FAM107B: variants seen among roughly 807,000 people sequenced by gnomAD.
FAM107B encodes the protein protein FAM107B.
In FAM107B, 21 loss-of-function variants were observed where a neutral mutation model predicts 31.5. The ratio of observed to expected loss-of-function variants is 0.67; its 90% CI spans 0.47 to 0.96. The LOEUF (loss-of-function observed/expected upper bound fraction) is 0.96, where lower values mean the gene tolerates loss of function less well. FAM107B is among the 40% of genes least tolerant of loss of function. The pLI, the probability that FAM107B is intolerant of heterozygous loss-of-function variation, is 0.00. For synonymous variants in FAM107B, 157 were observed against 141.5 expected, an observed-to-expected ratio of 1.11 and a Z score of -0.78; for missense variants, 452 against 377.1, an observed-to-expected ratio of 1.20 and a Z score of -1.64.
intron 1 of FAM107B, among the ~76,000 whole-genome samples, chr10:14,685,946 G>A (rs1221673129): frequency 1.3e-5 from 2 of 152,176 alleles, no homozygotes; most frequent in Admixed American, 1.3e-4. Flanking sequence ...GCAAGAGGGA[G>A]CTTGTACAGG....
At chr10:14,654,024 A>G (rs889230794) in intron 2 of FAM107B, 1 of 151,914 alleles carries the variant, frequency 6.6e-6, no homozygotes, top group African/African-American at 2.4e-5. Flanking sequence ...TTCTAACGTC[A>G]TAAGCCTGGC....
intron 2 of FAM107B, among the ~76,000 whole-genome samples, chr10:14,550,008 T>G (rs543167442): frequency 6.6e-6 from 1 of 152,312 alleles, no homozygotes; most frequent in African/African-American, 2.4e-5. Context: ...CTTACGGGAA[T>G]GGAAAGGAGG....
intron 1 of FAM107B, among the ~76,000 whole-genome samples, chr10:14,729,854 A>T (rs574151290): frequency 1.5e-4 from 23 of 152,234 alleles, no homozygotes; most frequent in Non-Finnish European, 2.9e-4. Flanking sequence ...AATACTACGC[A>T]GCCATAAAAA....
chr10:14,553,512 G>GTTCT, intron 2 of FAM107B: 1 of 435,040 alleles, frequency 2.3e-6, no homozygotes, highest in Admixed American at 3.7e-5. Context: ...ATTAACAATG[G>GTTCT]GTAAGAAGGA....
intron 2 of FAM107B, among the ~76,000 whole-genome samples, chr10:14,636,173 CT>C (rs1183235481): frequency 6.6e-6 from 1 of 151,848 alleles, no homozygotes; most frequent in Admixed American, 6.6e-5. Flanking sequence ...CTGAGCACCC[CT>C]CATCCCCATA....
intron 1 of FAM107B, among the ~76,000 whole-genome samples, chr10:14,734,553 A>G (rs931919766): frequency 6.8e-6 from 1 of 148,034 alleles, no homozygotes; most frequent in African/African-American, 2.6e-5. Flanking sequence ...GTGGCCCAAG[A>G]TAATTCCTTT....
chr10:14,739,575 G>A (rs759595156), intron 1 of FAM107B, among the ~76,000 whole-genome samples: 2 of 151,406 alleles, frequency 1.3e-5, no homozygotes, highest in African/African-American at 2.5e-5. Flanking sequence ...ACTTGGGCCT[G>A]ACCAATTATC....
intron 2 of FAM107B, among the ~76,000 whole-genome samples, chr10:14,563,145 G>A (rs1260347945): frequency 3.3e-5 from 5 of 152,164 alleles, no homozygotes; most frequent in Non-Finnish European, 5.9e-5. Flanking sequence ...ACAGATCTTT[G>A]TTACCACTCA....
At chr10:14,525,884 A>AC (rs954042891) in intron 3 of FAM107B, among the ~76,000 whole-genome samples, 19 of 152,098 alleles carry the variant, frequency 1.2e-4, no homozygotes, top group African/African-American at 4.3e-4. Context: ...TTATATTCCC[A>AC]CCCCCAGAGT....
chr10:14,548,008 C>T (rs562026888), intron 2 of FAM107B, among the ~76,000 whole-genome samples: 1 of 152,334 alleles, frequency 6.6e-6, no homozygotes, highest in African/African-American at 2.4e-5. Flanking sequence ...TCCCTCTCTT[C>T]AGACCACCTG....
intron 2 of FAM107B, among the ~76,000 whole-genome samples, chr10:14,624,799 CAAT>C (rs1245369985): frequency 6.6e-6 from 1 of 152,154 alleles, no homozygotes; most frequent in Non-Finnish European, 1.5e-5. Context: ...GCTGTTAAAT[CAAT>C]AATACAGAGG....
At chr10:14,659,825 G>T (rs1033993727) in intron 2 of FAM107B, among the ~76,000 whole-genome samples, 1 of 152,216 alleles carries the variant, frequency 6.6e-6, no homozygotes, top group African/African-American at 2.4e-5. Context: ...CCGCAGAGGG[G>T]CTGGCCTTAT....
At chr10:14,575,464 G>A (rs1851436431) in intron 2 of FAM107B, among the ~76,000 whole-genome samples, 1 of 152,104 alleles carries the variant, frequency 6.6e-6, no homozygotes, top group Non-Finnish European at 1.5e-5. Flanking sequence ...CAACCTCTGA[G>A]AGTGCTGGGA....
intron 2 of FAM107B, among the ~76,000 whole-genome samples, chr10:14,651,636 A>T (rs940117553): frequency 6.6e-6 from 1 of 152,142 alleles, no homozygotes; most frequent in African/African-American, 2.4e-5. Context: ...ATCCACACAT[A>T]ACCGTAAATT....
At chr10:14,692,033 G>A (rs554745193) in intron 1 of FAM107B, among the ~76,000 whole-genome samples, 21 of 152,162 alleles carry the variant, frequency 1.4e-4, no homozygotes, top group African/African-American at 3.9e-4. Flanking sequence ...ATGACCAAAC[G>A]GTGTTTGGTG....
chr10:14,601,062 C>T (rs551335901), intron 2 of FAM107B, among the ~76,000 whole-genome samples: 19 of 152,350 alleles, frequency 1.2e-4, no homozygotes, highest in South Asian at 1.2e-3. Flanking sequence ...CCACTGTACC[C>T]AGCCCAGTTC....
At chr10:14,755,450 A>G (rs1832908934) in intron 1 of FAM107B, among the ~76,000 whole-genome samples, 1 of 151,574 alleles carries the variant, frequency 6.6e-6, no homozygotes, top group Non-Finnish European at 1.5e-5. Context: ...CTGAGATGGG[A>G]GAATTGCTTG....
intron 2 of FAM107B, among the ~76,000 whole-genome samples, chr10:14,657,983 T>C (rs1854113400): frequency 6.6e-6 from 1 of 151,954 alleles, no homozygotes; most frequent in African/African-American, 2.4e-5. Context: ...GCTAATGTTT[T>C]CTCTTTTTTT....
At chr10:14,713,491 G>A (rs976960361) in intron 1 of FAM107B, among the ~76,000 whole-genome samples, 15 of 152,176 alleles carry the variant, frequency 9.9e-5, no homozygotes, top group Non-Finnish European at 1.8e-4. Flanking sequence ...TCTGGAAGAG[G>A]GGGAAACAGC....
Sources: allele counts gnomAD v4.1 joint callset (sites outside exome capture counted in the v4.1 genomes callset), GRCh38; gene constraint gnomAD v4.1.1; transcripts MANE v1.5; gene names NCBI Gene and HGNC (gene_info 2026-07-23, HGNC 2026-07-21).